PDLIM2: variants seen among roughly 807,000 people sequenced by gnomAD.
The protein encoded by PDLIM2 is PDZ and LIM domain 2.
Under a neutral mutation model 54.1 loss-of-function variants are expected in PDLIM2, and 51 were observed. The observed-to-expected ratio is 0.94, with a 90% CI of 0.75 to 1.19. The LOEUF (loss-of-function observed/expected upper bound fraction) is 1.19, where lower values mean the gene tolerates loss of function less well. PDLIM2 is among the 50% of genes most tolerant of loss of function. PDLIM2 has a pLI of 0.00. For missense variants in PDLIM2, 912 were observed against 874.0 expected, an observed-to-expected ratio of 1.04 and a Z score of -0.55; for synonymous variants, 398 against 385.6, an observed-to-expected ratio of 1.03 and a Z score of -0.38.
Position 22,589,742 on chromosome 8 carries a change from G to C in PDLIM2, c.1513+1G>C, listed in dbSNP as rs1217879108. Reference sequence around the variant, plus strand: ...GAAGCCCTGGAGGCTGAGGAGAGAGGTGAGGGTCTGGGGGGCTGGGGAGGG... The same window carrying C: ...GAAGCCCTGGAGGCTGAGGAGAGAGCTGAGGGTCTGGGGGGCTGGGGAGGG... On this transcript the variant is annotated splice_donor_variant, in intron 8 of 9. Transcript: ENST00000308354. LOFTEE classifies it high-confidence loss of function. The C allele has an allele frequency of 2.6e-6, 4 of 1,563,580 alleles. No homozygotes were observed. Among genetic ancestry groups the C allele is most frequent in the Non-Finnish European group, 3.5e-6 (4 of 1,153,738 alleles).
At chr8:22,589,301 G>C in exon 7 of PDLIM2, 3 of 1,533,910 alleles carry the variant, frequency 2.0e-6, no homozygotes, top group Non-Finnish European at 2.6e-6. Context: ...CCAACAGGCC[G>C]GCCTCGGCCG....
At chr8:22,596,361 C>T (rs923117242), downstream of PDLIM2, 5 of 152,344 alleles carry the variant, frequency 3.3e-5, no homozygotes, top group Middle Eastern at 3.4e-3. Context: ...GCCATCTCTC[C>T]TCCCAGGGGT....
chr8:22,584,747 A>G (rs1800320594), intron 3 of PDLIM2, 74 bp from the exon 3 acceptor site: 1 of 1,409,216 alleles, frequency 7.1e-7, no homozygotes, highest in Non-Finnish European at 1.0e-6. Flanking sequence ...AGATCTGGGA[A>G]CAGTTTTGGC....
At chr8:22,578,812 G>A (rs977466475) in exon 1 of PDLIM2, 60 of 1,234,204 alleles carry the variant, frequency 4.9e-5, no homozygotes, top group Non-Finnish European at 5.4e-5. Context: ...CGGCGTGGGA[G>A]AGCTTTATGG....
rs149718280 is a variant in PDLIM2 at position 22,583,918 on chromosome 8, T to C, written c.996-903T>C. ...TAATGTGAGGACTCTCTAATAAAAC[T>C]GAATGTTTGAACTTTCTGATGAAGT... On this transcript the variant is annotated intron_variant, in intron 3 of 9. Coordinates refer to ENST00000308354, the Ensembl canonical transcript of PDLIM2. Among the ~76,000 whole-genome samples, 229 of 143,340 alleles carry C rather than the reference T, an allele frequency of 1.6e-3. 1 individual carries two copies. The highest frequency in any genetic ancestry group is 5.8e-3 in the African/African-American group (218 of 37,702). The allele number at this position is 143,340 out of a possible 152,430, so 94.0% of individuals were successfully genotyped here.
chr8:22,597,738 C>G (rs17088407), downstream of PDLIM2: 1 of 152,430 alleles, frequency 6.6e-6, no homozygotes. Context: ...CTGGCACGGC[C>G]GGGGTGTGAT....
At chr8:22,591,808 T>A in intron 9 of PDLIM2, 140 bp downstream of exon 8, 1 of 738,584 alleles carries the variant, frequency 1.4e-6, no homozygotes, top group Non-Finnish European at 2.2e-6. Flanking sequence ...GGGGAAGCAG[T>A]GTTGCACAGC....
chr8:22,593,638 G>C, intron 9 of PDLIM2, 95 bp from the exon 9 acceptor site: 1 of 1,043,804 alleles, frequency 9.6e-7, no homozygotes, highest in Non-Finnish European at 1.4e-6. Flanking sequence ...GCTCCACCCA[G>C]GTCCTGATGC....
exon 1 of PDLIM2, chr8:22,579,063 G>A: frequency 8.0e-7 from 1 of 1,249,108 alleles, no homozygotes; most frequent in Non-Finnish European, 1.0e-6. Flanking sequence ...GCTAGGGGCG[G>A]CGGCAGGGGC....
At chr8:22,583,903 A>C (rs1800289212) in intron 3 of PDLIM2, among the ~76,000 whole-genome samples, 1 of 146,334 alleles carries the variant, frequency 6.8e-6, no homozygotes, top group Non-Finnish European at 1.5e-5. Context: ...TAATGTGAGG[A>C]CTCTCTAATA....
chr8:22,586,078 TG>T (rs1800374305), intron 6 of PDLIM2, among the ~76,000 whole-genome samples: 1 of 151,818 alleles, frequency 6.6e-6, no homozygotes, highest in Non-Finnish European at 1.5e-5. Flanking sequence ...GGGGACGGCG[TG>T]GGGGGCACGT....
In PDLIM2 at chr8:22,593,869, C is replaced by T. The variant is rs1383343808; in HGVS notation, c.1768C>T (p.Gln590Ter). The change falls in exon 10 of 10, where the codon CAG becomes TAG. Residue 590 changes from glutamine to a stop codon, truncating the protein, a stop_gained. Transcript: ENST00000308354. LOFTEE classifies it high-confidence loss of function. ...GCTGTACTGTGAGAAGCATGCCCGC[C>T]AGCGCTACTCCGCACCTGCCACCCT... 6.4e-7 allele frequency: 1 copy of T among 1,555,696 alleles called. No individual in the cohort carries two copies. The highest frequency in any genetic ancestry group is 8.7e-7 in the Non-Finnish European group (1 of 1,149,826).
intron 3 of PDLIM2, among the ~76,000 whole-genome samples, chr8:22,584,451 G>A (rs755538720): frequency 1.3e-5 from 2 of 151,992 alleles, no homozygotes; most frequent in Admixed American, 1.3e-4. Flanking sequence ...TGGGACTACC[G>A]GCATGCACCA....
rs758175962 is a variant in PDLIM2 at position 22,581,569 on chromosome 8, C to A, written c.995+39C>A. The A allele has an allele frequency of 9.8e-6, 15 of 1,532,952 alleles. No homozygotes were observed. In the East Asian group the frequency reaches 2.9e-4, roughly 30 times the overall value. The allele number at this position is 1,532,952 out of a possible 1,614,324, so 95.0% of individuals were successfully genotyped here. On this transcript the variant is annotated intron_variant, in intron 3 of 9. Transcript: ENST00000308354. The stretch of plus-strand genomic sequence containing the variant: ...CTCTGCAGAGCCTGTGGCATTCCCC[C>A]TCCTCCACCACCCCACGTATTGAGC...
intron 6 of PDLIM2, among the ~76,000 whole-genome samples, chr8:22,586,670 T>C (rs1800391145): frequency 6.6e-6 from 1 of 152,160 alleles, no homozygotes; most frequent in Non-Finnish European, 1.5e-5. Context: ...CTGGTCAGTG[T>C]CAGTCCTGGC....
rs899408085 is a variant in PDLIM2, at chr8:22,578,881, C to A, written c.102C>A (p.Cys34Ter). ...CGGGGCAGTCCCTGGACCGGCTCTG[C>A]TGTGCTCCGGGCAGTCGGGGGCTTG... Residue 34 changes from cysteine (C) to a stop codon, truncating the protein, a stop_gained, in exon 1 of 10, where the codon TGC becomes TGA. Coordinates refer to ENST00000308354, the Ensembl canonical transcript of PDLIM2. LOFTEE classifies it high-confidence loss of function. The A allele has an allele frequency of 3.2e-6, 4 of 1,237,760 alleles. No homozygotes were observed. The highest frequency in any genetic ancestry group is 4.0e-6 in the Non-Finnish European group (4 of 991,064). The allele number at this position is 1,237,760 out of a possible 1,614,324, so 76.7% of individuals were successfully genotyped here.
At chr8:22,584,301 A>T (rs1314325869) in intron 3 of PDLIM2, among the ~76,000 whole-genome samples, 1 of 151,274 alleles carries the variant, frequency 6.6e-6, no homozygotes, top group Non-Finnish European at 1.5e-5. Context: ...GGCGTGAGCC[A>T]CCGTGCCCGG....
intron 6 of PDLIM2, among the ~76,000 whole-genome samples, chr8:22,586,151 G>T (rs1289664954): frequency 6.6e-6 from 1 of 152,182 alleles, no homozygotes; most frequent in Non-Finnish European, 1.5e-5. Context: ...GGTTGATTCT[G>T]CATTCCAGAA....
At chr8:22,580,290 C>T (rs1800150041) in intron 1 of PDLIM2, 185 bp from the exon 1 acceptor site, 1 of 425,234 alleles carries the variant, frequency 2.4e-6, no homozygotes, top group East Asian at 5.5e-5. Flanking sequence ...CTCCACTTGC[C>T]AGCCCCTGCC....
Sources: gnomAD v4.1 joint callset for allele counts (sites outside exome capture counted in the v4.1 genomes callset) on GRCh38, gnomAD v4.1.1 for gene constraint, MANE v1.5 for transcripts, NCBI Gene and HGNC (gene_info 2026-07-23, HGNC 2026-07-21) for gene names.